The following RNPC3 variants were observed in gnomAD, a reference collection of about 807,000 sequenced individuals.
RNPC3 encodes RNA binding region (RNP1, RRM) containing 3.
In RNPC3, 48 loss-of-function variants were observed where a neutral mutation model predicts 67.5. That is an observed-to-expected ratio of 0.71 (90% CI 0.56 to 0.90). The LOEUF (loss-of-function observed/expected upper bound fraction) is 0.90. RNPC3 is among the 40% of genes least tolerant of loss of function. The pLI, the probability that RNPC3 is intolerant of heterozygous loss-of-function variation, is 0.00. For missense variants in RNPC3, 637 were observed against 626.1 expected, an observed-to-expected ratio of 1.02 and a Z score of -0.19; for synonymous variants, 239 against 210.3, an observed-to-expected ratio of 1.14 and a Z score of -1.18.
At chr1:103,546,927 G>GT (rs1319736034) in intron 11 of RNPC3, 50 bp from the exon 12 acceptor site, 12 of 961,602 alleles carry the variant, frequency 1.2e-5, no homozygotes, top group East Asian at 2.7e-5. Flanking sequence ...TATTTATTAA[G>GT]TTTTTTTCCC....
Position 103,541,348 on chromosome 1 carries a change from A to G in RNPC3, c.768-2A>G, listed in dbSNP as rs779624209. 13 of 1,507,674 alleles carry G rather than the reference A, an allele frequency of 8.6e-6. No individual in the cohort carries two copies. The South Asian group carries it at 1.6e-4, about 19-fold the overall frequency. The allele number at this position is 1,507,674 out of a possible 1,614,324, so 93.4% of individuals were successfully genotyped here. A position where few individuals can be genotyped will look rare whatever the true frequency, so the allele number is the denominator to read the frequency against. The stretch of plus-strand genomic sequence containing the variant: ...TGTTTATCATCCCTCTCCTCATTGT[A>G]GAATGAACAAATTAATGGAACTAGC... On this transcript the variant is annotated splice_acceptor_variant, in intron 7 of 14. Coordinates refer to ENST00000423855, the MANE Select transcript of RNPC3 (RefSeq NM_017619.4). LOFTEE classifies it high-confidence loss of function.
intron 6 of RNPC3, 71 bp downstream of exon 6, chr1:103,536,265 C>T: frequency 9.1e-7 from 1 of 1,098,620 alleles, no homozygotes; most frequent in East Asian, 2.6e-5. Flanking sequence ...CTGAATTATA[C>T]AGGTGTTGTA....
rs1464018899 is a variant in RNPC3, at chr1:103,525,746, A to G, written c.-325A>G. ...TTGAGCGTCAACCTTCTTTCCCTGA[A>G]GTGGCTGGGGTTCCTGTTTCCTTCT... On this transcript the variant is annotated 5_prime_UTR_variant, in exon 1 of 15. Coordinates refer to ENST00000423855, the MANE Select transcript of RNPC3 (RefSeq NM_017619.4). The G allele has an allele frequency of 1.5e-5, 3 of 194,268 alleles. No homozygotes were observed. Among genetic ancestry groups the G allele is most frequent in the African/African-American group, 7.0e-5 (3 of 42,728 alleles). 12.0% of individuals were successfully genotyped at this position (194,268 alleles called of 1,614,324 possible). A position where few individuals can be genotyped will look rare whatever the true frequency, so the allele number is the denominator to read the frequency against.
intron 12 of RNPC3, among the ~76,000 whole-genome samples, chr1:103,549,299 T>G (rs890418971): frequency 6.6e-6 from 1 of 152,206 alleles, no homozygotes; most frequent in Non-Finnish European, 1.5e-5. Flanking sequence ...TAAATTTTGT[T>G]TTAATCTTCA....
rs546416590 is a variant in RNPC3 at position 103,541,225 on chromosome 1, G to T, written c.768-125G>T. ...ATTGATGGTGTTCTATATATTTGATGTAAGTAAATCATTTTATAATTTAAA... is the reference window on the plus strand; with the variant it reads ...ATTGATGGTGTTCTATATATTTGATTTAAGTAAATCATTTTATAATTTAAA... On this transcript the variant is annotated intron_variant, in intron 7 of 14. Transcript: ENST00000423855. 1.9e-5 allele frequency: 12 copies of T among 620,850 alleles called. No homozygotes were observed. The East Asian group carries it at 4.3e-4, about 22-fold the overall frequency. The allele number at this position is 620,850 out of a possible 1,614,324, so 38.5% of individuals were successfully genotyped here.
intron 10 of RNPC3, chr1:103,545,467 TA>T (rs991926206): frequency 5.8e-5 from 9 of 155,632 alleles, no homozygotes; most frequent in South Asian, 3.9e-4. Context: ...CAAAGCGATT[TA>T]AAAAAAAATG....
intron 9 of RNPC3, 147 bp from the exon 10 acceptor site, chr1:103,544,794 G>C (rs1054897994): frequency 4.7e-5 from 21 of 449,452 alleles, no homozygotes; most frequent in South Asian, 1.2e-4. Context: ...GAAAATGTTT[G>C]TGTATGCCTC....
intron 2 of RNPC3, among the ~76,000 whole-genome samples, chr1:103,533,244 C>T (rs1473996286): frequency 1.3e-5 from 2 of 152,002 alleles, no homozygotes; most frequent in African/African-American, 4.8e-5. Flanking sequence ...ATTCTCATGT[C>T]ATCAATTCTG....
chr1:103,539,453 A>ATGGT (rs1651068091), intron 7 of RNPC3, among the ~76,000 whole-genome samples: 1 of 152,240 alleles, frequency 6.6e-6, no homozygotes, highest in Non-Finnish European at 1.5e-5. Flanking sequence ...TGCCTGATAG[A>ATGGT]TGGTTACTTT....
At position 103,536,187 on chromosome 1, in the gene RNPC3, C is replaced by T. The variant is rs184588919; in HGVS notation, c.617C>T (p.Pro206Leu). The change falls in exon 6 of 15, where the codon CCT becomes CTT. Residue 206 changes from proline to leucine, a missense_variant. Transcript: ENST00000423855. The part of the protein sequence containing the change: ...PTPFGPITAR[P>L]PMYEDYMPLH... ...CCTTTTGGACCAATTACTGCGCGAC[C>T]TCCCATGGTAAGAAAACTCTTAGAA... 2,098 of 1,534,818 alleles carry T rather than the reference C, an allele frequency of 1.4e-3. 1 individual carries two copies. Among genetic ancestry groups the T allele is most frequent in the Non-Finnish European group, 1.7e-3 (1,955 of 1,144,960 alleles).
At chr1:103,536,006 A>T in intron 5 of RNPC3, 120 bp from the exon 6 acceptor site, 1 of 669,812 alleles carries the variant, frequency 1.5e-6, no homozygotes, top group Non-Finnish European at 2.5e-6. Flanking sequence ...AAGGCAAGAG[A>T]TGGGCAGGTC....
intron 1 of RNPC3, among the ~76,000 whole-genome samples, chr1:103,527,010 G>A (rs1650732321): frequency 6.7e-6 from 1 of 149,510 alleles, no homozygotes; most frequent in Non-Finnish European, 1.5e-5. Flanking sequence ...TGTCACTTAT[G>A]CCTGCAAATT....
intron 5 of RNPC3, among the ~76,000 whole-genome samples, chr1:103,535,767 A>C (rs941893701): frequency 1.3e-5 from 2 of 152,090 alleles, no homozygotes; most frequent in African/African-American, 2.4e-5. Context: ...CAGTAATAAC[A>C]TATTTTTTTG....
chr1:103,550,502 G>A (rs150782673), intron 12 of RNPC3, among the ~76,000 whole-genome samples: 5,526 of 151,878 alleles, frequency 0.036, 166 homozygotes, highest in Non-Finnish European at 0.053. Flanking sequence ...TTAGCCAGGC[G>A]TGGTGGCGGA....
At chr1:103,549,284 A>G (rs781652825) in intron 12 of RNPC3, among the ~76,000 whole-genome samples, 28 of 152,242 alleles carry the variant, frequency 1.8e-4, no homozygotes, top group Non-Finnish European at 8.8e-5. Context: ...AGAAGTGACT[A>G]TAACTAAATT....
At chr1:103,551,963 A>AATGTGAAAACT (rs1204468724) in intron 14 of RNPC3, 171 bp downstream of exon 14, 3 of 444,024 alleles carry the variant, frequency 6.8e-6, no homozygotes, top group Non-Finnish European at 1.2e-5. Context: ...TACAGATTAA[A>AATGTGAAAACT]ACCCATTTAT....
At chr1:103,540,421 C>T in intron 7 of RNPC3, among the ~76,000 whole-genome samples, 1 of 152,130 alleles carries the variant, frequency 6.6e-6, no homozygotes, top group East Asian at 1.9e-4. Context: ...TTTATTCAGC[C>T]AATAATTACT....
chr1:103,551,397 ATT>A, intron 13 of RNPC3: 1 of 354,616 alleles, frequency 2.8e-6, no homozygotes, highest in Non-Finnish European at 5.0e-6. Context: ...TCATTTTATC[ATT>A]TTATTGTAAT....
rs1650689337 is a variant in RNPC3, at chr1:103,525,910, T to C, written c.-161T>C. ...TCTTCGAAGGGTTGCCGCTTTTCGG[T>C]GGCGCAGTTCTCGCGAGAAGGTGAC... is the stretch of plus-strand genomic sequence containing the variant. On this transcript the variant is annotated 5_prime_UTR_variant, in exon 1 of 15. Transcript: ENST00000423855. The C allele has an allele frequency of 4.8e-6, 3 of 619,116 alleles. No individual in the cohort carries two copies. The highest frequency in any genetic ancestry group is 3.0e-4 in the Middle Eastern group (1 of 3,334). The allele number at this position is 619,116 out of a possible 1,614,324, so 38.4% of individuals were successfully genotyped here.
Sources: allele counts gnomAD v4.1 joint callset (sites outside exome capture counted in the v4.1 genomes callset), GRCh38; gene constraint gnomAD v4.1.1; transcripts MANE v1.5; gene names NCBI Gene and HGNC (gene_info 2026-07-23, HGNC 2026-07-21).